Variants in GPD2 observed in about 807,000 individuals in gnomAD.
GPD2 encodes glycerol-3-phosphate dehydrogenase, mitochondrial.
Under a neutral mutation model 82.4 loss-of-function variants are expected in GPD2, and 54 were observed. The observed-to-expected ratio is 0.66, with a 90% CI of 0.53 to 0.82. The LOEUF (loss-of-function observed/expected upper bound fraction) is 0.82. Among genes scored for constraint, GPD2 ranks in the 40% least tolerant of loss-of-function variants. GPD2 has a pLI of 0.00. For synonymous variants in GPD2, 288 were observed against 306.1 expected, an observed-to-expected ratio of 0.94 and a Z score of 0.62; for missense variants, 748 against 896.2, an observed-to-expected ratio of 0.83 and a Z score of 2.11.
At chr2:156,417,414 A>G in the GPD2 span, among the ~76,000 whole-genome samples, 1 of 152,194 alleles carries the variant, frequency 6.6e-6, no homozygotes, top group South Asian at 2.1e-4. Flanking sequence ...AACATATGTC[A>G]GGAGAGGCAA....
Position 156,483,529 on chromosome 2 carries a change from CAG to C in GPD2, c.102+7325_102+7326del, listed in dbSNP as rs148500308. Reference sequence around the variant, plus strand: ...AGGCATAATAAGAAAGATATAACATCAGAGTTTAAAAAAAAATAGCTGAACTT... The same window carrying C: ...AGGCATAATAAGAAAGATATAACATCAGTTTAAAAAAAAATAGCTGAACTT... On this transcript the variant is annotated intron_variant, in intron 2 of 16. Transcript: ENST00000438166. 2.0e-5 allele frequency among the ~76,000 whole-genome samples: 3 copies of C among 152,142 alleles called. No individual in the cohort carries two copies. The East Asian group carries it at 5.8e-4, about 29-fold the overall frequency.
At chr2:156,433,313 C>T (rs575352304), upstream of GPD2, among the ~76,000 whole-genome samples, 3 of 152,304 alleles carry the variant, frequency 2.0e-5, no homozygotes, top group Admixed American at 6.5e-5. Flanking sequence ...GTCATTCTGA[C>T]GCTCCCTAAA....
intron 6 of GPD2, among the ~76,000 whole-genome samples, chr2:156,523,151 C>G (rs546531347): frequency 6.6e-6 from 1 of 152,090 alleles, no homozygotes; most frequent in Non-Finnish European, 1.5e-5. Flanking sequence ...TACATTCTGT[C>G]GGCTCTGATA....
chr2:156,541,829 T>TTTTG (rs1686330691), intron 6 of GPD2, among the ~76,000 whole-genome samples: 1 of 141,736 alleles, frequency 7.1e-6, no homozygotes, highest in African/African-American at 2.6e-5. Context: ...TGTTTGTTTT[T>TTTTG]TTTTTTTTTT....
chr2:156,428,817 C>T, the GPD2 span, among the ~76,000 whole-genome samples: 1 of 152,186 alleles, frequency 6.6e-6, no homozygotes, highest in Non-Finnish European at 1.5e-5. Flanking sequence ...GCTTTCCTGT[C>T]TTCCATTTTT....
chr2:156,561,134 G>A (rs1043072757), intron 9 of GPD2, among the ~76,000 whole-genome samples: 16 of 126,664 alleles, frequency 1.3e-4, no homozygotes, highest in Admixed American at 5.7e-4. Flanking sequence ...TGCAACTTCC[G>A]CCTCCTGGGT....
chr2:156,433,695 C>T (rs547050926), upstream of GPD2, among the ~76,000 whole-genome samples: 2 of 152,320 alleles, frequency 1.3e-5, no homozygotes, highest in South Asian at 2.1e-4. Flanking sequence ...ACCCCTTGGG[C>T]GGTTACACTA....
chr2:156,499,737 C>T (rs1185072955), intron 3 of GPD2, among the ~76,000 whole-genome samples: 1 of 150,666 alleles, frequency 6.6e-6, no homozygotes, highest in African/African-American at 2.4e-5. Flanking sequence ...TATTTATTTT[C>T]ATTTAATAAC....
intron 2 of GPD2, among the ~76,000 whole-genome samples, chr2:156,490,003 C>T (rs960290505): frequency 6.6e-6 from 1 of 151,866 alleles, no homozygotes; most frequent in Non-Finnish European, 1.5e-5. Flanking sequence ...GGGCCTATGG[C>T]CATTCCAAGG....
intron 6 of GPD2, among the ~76,000 whole-genome samples, chr2:156,528,960 G>C (rs1332434582): frequency 6.6e-6 from 1 of 151,998 alleles, no homozygotes; most frequent in East Asian, 2.0e-4. Flanking sequence ...CCCAGTAATG[G>C]GATGGCTGGG....
chr2:156,527,658 A>G (rs1236377902), intron 6 of GPD2, among the ~76,000 whole-genome samples: 1 of 152,150 alleles, frequency 6.6e-6, no homozygotes, highest in Non-Finnish European at 1.5e-5. Flanking sequence ...GATATTTGAG[A>G]ATAAAATAAA....
intron 2 of GPD2, among the ~76,000 whole-genome samples, chr2:156,488,812 AT>A (rs1302026426): frequency 6.6e-6 from 1 of 152,136 alleles, no homozygotes; most frequent in Non-Finnish European, 1.5e-5. Flanking sequence ...TGCTGAAGGA[AT>A]TTTATCTTTC....
At chr2:156,490,402 C>A (rs990459934) in intron 2 of GPD2, among the ~76,000 whole-genome samples, 2,988 of 138,290 alleles carry the variant, frequency 0.022, 53 homozygotes, top group African/African-American at 0.058. Context: ...AAAAAAAAAA[C>A]AAAAATAAAA....
Position 156,451,447 on chromosome 2 carries a change from G to C in GPD2, c.-9+14934G>C, listed in dbSNP as rs1201333627. Among the ~76,000 whole-genome samples the C allele has an allele frequency of 2.7e-3, 322 of 120,972 alleles. 6 individuals carry two copies. The highest frequency in any genetic ancestry group is 9.6e-3 in the African/African-American group (312 of 32,594). The allele number at this position is 120,972 out of a possible 152,430, so 79.4% of individuals were successfully genotyped here. A position where few individuals can be genotyped will look rare whatever the true frequency, so the allele number is the denominator to read the frequency against. On this transcript the variant is annotated intron_variant, in intron 1 of 16. Coordinates refer to ENST00000438166, the MANE Select transcript of GPD2 (RefSeq NM_000408.5). The stretch of plus-strand genomic sequence containing the variant: ...GACCCCCCCACCTCCCTCCCGGACG[G>C]GGCGGCTGGCCGGGCGGGGGGCTGA...
At chr2:156,451,541 A>G (rs1411669908) in intron 1 of GPD2, among the ~76,000 whole-genome samples, 98 of 78,130 alleles carry the variant, frequency 1.3e-3, no homozygotes, top group East Asian at 6.7e-3. Context: ...CCTCCCTCCC[A>G]GACGGGGCGG....
At chr2:156,470,650 G>T (rs937731140) in intron 1 of GPD2, among the ~76,000 whole-genome samples, 1 of 152,194 alleles carries the variant, frequency 6.6e-6, no homozygotes, top group Non-Finnish European at 1.5e-5. Flanking sequence ...AAATTTGCTT[G>T]TGCATAGTTG....
At chr2:156,462,015 A>G (rs1426332008) in intron 1 of GPD2, among the ~76,000 whole-genome samples, 1 of 152,218 alleles carries the variant, frequency 6.6e-6, no homozygotes, top group Non-Finnish European at 1.5e-5. Context: ...TGCTATTGGT[A>G]TGTTTTCAAT....
intron 2 of GPD2, among the ~76,000 whole-genome samples, chr2:156,494,501 T>G (rs182914144): frequency 1.5e-4 from 23 of 152,358 alleles, no homozygotes; most frequent in African/African-American, 4.8e-4. Context: ...ACCCAATGGC[T>G]TCTAGATTTA....
chr2:156,405,598 G>A, the GPD2 span, among the ~76,000 whole-genome samples: 1 of 152,134 alleles, frequency 6.6e-6, no homozygotes, highest in African/African-American at 2.4e-5. Context: ...GTGTTTCATA[G>A]ATATACTGTG....
Sources: gnomAD v4.1 joint callset for allele counts (sites outside exome capture counted in the v4.1 genomes callset) on GRCh38, gnomAD v4.1.1 for gene constraint, MANE v1.5 for transcripts, NCBI Gene and HGNC (gene_info 2026-07-23, HGNC 2026-07-21) for gene names.